The following RXRA variants were observed in gnomAD, a reference collection of about 807,000 sequenced individuals.
RXRA encodes the protein retinoic acid receptor RXR-alpha.
RXRA carries 5 observed loss-of-function variants against 44.5 expected under a neutral mutation model. The observed-to-expected ratio is 0.11, with a 90% CI of 0.06 to 0.24. The LOEUF (loss-of-function observed/expected upper bound fraction) is 0.24. RXRA is among the 10% of genes least tolerant of loss of function. RXRA has a pLI of 1.00. For synonymous variants in RXRA, 291 were observed against 271.4 expected (o/e 1.07, Z -0.71); for missense variants, 412 against 646.5 (o/e 0.64, Z 3.93).
intron 1 of RXRA, among the ~76,000 whole-genome samples, chr9:134,350,225 G>C (rs1024469411): frequency 6.6e-6 from 1 of 152,160 alleles, no homozygotes; most frequent in Non-Finnish European, 1.5e-5. Flanking sequence ...AAACCACTGG[G>C]GGAGGGAGGA....
intron 1 of RXRA, among the ~76,000 whole-genome samples, chr9:134,392,943 G>T (rs1482945564): frequency 6.6e-6 from 1 of 151,978 alleles, no homozygotes; most frequent in Non-Finnish European, 1.5e-5. Context: ...GTCATTGCCA[G>T]CCCCTCAGCC....
chr9:134,424,418 C>G, intron 6 of RXRA: 15 of 985,478 alleles, frequency 1.5e-5, no homozygotes, highest in Non-Finnish European at 1.8e-5. Flanking sequence ...TGGGCGCCCA[C>G]TGAGGTCCTT....
At chr9:134,390,246 C>T (rs1414636181) in intron 1 of RXRA, among the ~76,000 whole-genome samples, 3 of 152,170 alleles carry the variant, frequency 2.0e-5, no homozygotes, top group Non-Finnish European at 4.4e-5. Flanking sequence ...CCGGGTGCCC[C>T]TAGAAGTGGC....
At chr9:134,370,223 A>C (rs975513291) in intron 1 of RXRA, among the ~76,000 whole-genome samples, 2 of 152,154 alleles carry the variant, frequency 1.3e-5, no homozygotes, top group African/African-American at 4.8e-5. Context: ...GTCCATCTGC[A>C]TGGGACGTGG....
At chr9:134,351,426 G>C (rs1405620244) in intron 1 of RXRA, among the ~76,000 whole-genome samples, 2 of 152,210 alleles carry the variant, frequency 1.3e-5, no homozygotes, top group Non-Finnish European at 2.9e-5. Context: ...TGCCTGCATT[G>C]CTCTGTTCCT....
intron 6 of RXRA, chr9:134,422,750 T>A: frequency 1.0e-6 from 1 of 985,430 alleles, no homozygotes; most frequent in African/African-American, 1.7e-5. Context: ...GGCCTCAGTT[T>A]CCCTCCATCC....
intron 1 of RXRA, among the ~76,000 whole-genome samples, chr9:134,361,523 G>A (rs1830351853): frequency 6.6e-6 from 1 of 152,198 alleles, no homozygotes. Context: ...TGACAGATGA[G>A]GCCATGGGCA....
intron 1 of RXRA, among the ~76,000 whole-genome samples, chr9:134,382,290 T>TGC (rs1370101404): frequency 3.3e-5 from 5 of 150,944 alleles, no homozygotes; most frequent in African/African-American, 1.2e-4. Flanking sequence ...TGTGTGTGTG[T>TGC]GTGCGCTTTT....
intron 1 of RXRA, among the ~76,000 whole-genome samples, chr9:134,351,320 G>T (rs1159261701): frequency 6.6e-6 from 1 of 152,202 alleles, no homozygotes; most frequent in African/African-American, 2.4e-5. Flanking sequence ...GAGGTCACTC[G>T]AAAGGGGCCC....
intron 1 of RXRA, among the ~76,000 whole-genome samples, chr9:134,327,953 G>C (rs574063018): frequency 6.6e-6 from 1 of 152,170 alleles, no homozygotes; most frequent in Non-Finnish European, 1.5e-5. Flanking sequence ...AGGGGTGGGC[G>C]CTCATGCCCA....
chr9:134,384,285 G>A (rs73554167), intron 1 of RXRA, among the ~76,000 whole-genome samples: 16,678 of 152,142 alleles, frequency 0.11, 3,069 homozygotes, highest in African/African-American at 0.38. Context: ...GACCCTCCTC[G>A]CTGTCACCCC....
intron 1 of RXRA, among the ~76,000 whole-genome samples, chr9:134,390,943 C>T (rs562792475): frequency 1.3e-5 from 2 of 152,188 alleles, no homozygotes; most frequent in East Asian, 3.8e-4. Context: ...AAGCCGGCAC[C>T]AGCTGGAGAG....
intron 1 of RXRA, among the ~76,000 whole-genome samples, chr9:134,344,292 G>T (rs1444689443): frequency 2.0e-5 from 3 of 152,170 alleles, no homozygotes; most frequent in African/African-American, 7.2e-5. Flanking sequence ...TGGAGGAGTG[G>T]GTAGGGGGCT....
intron 1 of RXRA, among the ~76,000 whole-genome samples, chr9:134,347,724 G>T (rs1830171380): frequency 6.6e-6 from 1 of 152,190 alleles, no homozygotes; most frequent in Non-Finnish European, 1.5e-5. Context: ...CAGGCCAGGG[G>T]AACGGTGTGT....
intron 1 of RXRA, among the ~76,000 whole-genome samples, chr9:134,392,438 G>A (rs1365032311): frequency 1.3e-5 from 2 of 152,178 alleles, no homozygotes; most frequent in African/African-American, 4.8e-5. Flanking sequence ...TAGGTGGGTG[G>A]CCCTGAGCCC....
At chr9:134,352,027 G>A (rs1830227742) in intron 1 of RXRA, among the ~76,000 whole-genome samples, 2 of 152,344 alleles carry the variant, frequency 1.3e-5, no homozygotes, top group South Asian at 2.1e-4. Context: ...TCATGGTGCT[G>A]GAGCCAGAGG....
At chr9:134,362,357 G>A (rs1830362521) in intron 1 of RXRA, among the ~76,000 whole-genome samples, 1 of 152,200 alleles carries the variant, frequency 6.6e-6, no homozygotes, top group Non-Finnish European at 1.5e-5. Context: ...CCCTGGGGTG[G>A]CAGGGGCATC....
chr9:134,333,087 G>A (rs533542590), intron 1 of RXRA, among the ~76,000 whole-genome samples: 19 of 152,268 alleles, frequency 1.2e-4, no homozygotes, highest in African/African-American at 3.1e-4. Context: ...TAGAGCAGCC[G>A]GGCCTCTTGG....
intron 1 of RXRA, among the ~76,000 whole-genome samples, chr9:134,362,313 G>T (rs1430159252): frequency 3.3e-5 from 5 of 152,146 alleles, no homozygotes; most frequent in Non-Finnish European, 7.4e-5. Context: ...CCCCTCCTTC[G>T]AAGACTCTTG....
Sources: gnomAD v4.1 joint callset for allele counts (sites outside exome capture counted in the v4.1 genomes callset) on GRCh38, gnomAD v4.1.1 for gene constraint, MANE v1.5 for transcripts, NCBI Gene and HGNC (gene_info 2026-07-23, HGNC 2026-07-21) for gene names.